KCNQ1OT1: variants seen among roughly 807,000 people sequenced by gnomAD.
KCNQ1OT1 encodes the protein KCNQ1 opposite strand/antisense transcript 1, also known as KCNQ1 antisense RNA 2 (non-protein coding).
At position 2,617,619 on chromosome 11, in the gene KCNQ1OT1, T is replaced by C. The variant is rs559488033; in HGVS notation, n.82376A>G. 2.3e-5 allele frequency: 9 copies of C among 398,444 alleles called. No homozygotes were observed. In the Admixed American group the frequency reaches 4.0e-4, roughly 18 times the overall value. 24.7% of individuals were successfully genotyped at this position (398,444 alleles called of 1,614,324 possible). On this transcript the variant is annotated non_coding_transcript_exon_variant, in exon 1 of 1. Transcript: ENST00000597346. The surrounding 1 kb of genome is among the most constrained non-coding windows in gnomAD (Gnocchi z 4.6). ...GGGTCAGATGATAGTATATTTTCAA[T>C]TTCTTTAGGAGCCACCATTCTGTTT... is the stretch of plus-strand genomic sequence containing the variant.
exon 1 of KCNQ1OT1, chr11:2,650,961 AATCT>A (rs143246270): frequency 0.071 from 28,121 of 398,414 alleles, 1,120 homozygotes; most frequent in Middle Eastern, 0.11. Context: ...ACCCCTTTCT[AATCT>A]ATCAGTATGT....
rs1850341666 is a variant in KCNQ1OT1, at chr11:2,678,981, T to C, written n.21014A>G. On this transcript the variant is annotated non_coding_transcript_exon_variant, in exon 1 of 1. Transcript: ENST00000597346. This position sits in a 1 kb window ranked among gnomAD's most constrained non-coding sequence, Gnocchi z 4.9. ...GAACAAAAGAGCAAATAGGCCTAAT[T>C]CAAGAATTTTTAAAAACCCGCAATA... The C allele has an allele frequency of 1.0e-5, 4 of 398,504 alleles. No individual in the cohort carries two copies. The highest frequency in any genetic ancestry group is 2.5e-4 in the South Asian group (2 of 7,852). The allele number at this position is 398,504 out of a possible 1,614,324, so 24.7% of individuals were successfully genotyped here. A position where few individuals can be genotyped will look rare whatever the true frequency, so the allele number is the denominator to read the frequency against.
chr11:2,656,773 A>T (rs1849857575), exon 1 of KCNQ1OT1: 1 of 398,540 alleles, frequency 2.5e-6, no homozygotes, highest in Non-Finnish European at 4.4e-6. Flanking sequence ...TTCTTTTAAA[A>T]AAAACCATCC....
chr11:2,690,254 T>G lies in KCNQ1OT1; in HGVS notation n.9741A>C, dbSNP rs1313052236. ...AGCAAGTCATTCCATGTGGCTGAGC[T>G]GCTCCTTGCTGCATCTGCACATATG... is the stretch of plus-strand genomic sequence containing the variant. On this transcript the variant is annotated non_coding_transcript_exon_variant, in exon 1 of 1. Coordinates refer to ENST00000597346, the Ensembl canonical transcript of KCNQ1OT1. This position sits in a 1 kb window ranked among gnomAD's most constrained non-coding sequence, Gnocchi z 5.1. The G allele has an allele frequency of 7.5e-6, 3 of 398,686 alleles. No individual in the cohort carries two copies. The highest frequency in any genetic ancestry group is 1.3e-5 in the Non-Finnish European group (3 of 226,192). The allele number at this position is 398,686 out of a possible 1,614,324, so 24.7% of individuals were successfully genotyped here. A position where few individuals can be genotyped will look rare whatever the true frequency, so the allele number is the denominator to read the frequency against.
At chr11:2,681,744 C>T (rs1399488230) in exon 1 of KCNQ1OT1, 2 of 398,348 alleles carry the variant, frequency 5.0e-6, no homozygotes, top group Non-Finnish European at 8.8e-6. Context: ...ACTGATCACA[C>T]ACCAGGGCAC....
Position 2,659,468 on chromosome 11 carries a change from A to G in KCNQ1OT1, n.40527T>C. 2.5e-6 allele frequency: 1 copy of G among 398,564 alleles called. No homozygotes were observed. Among genetic ancestry groups the G allele is most frequent in the Non-Finnish European group, 4.4e-6 (1 of 226,030 alleles). 24.7% of individuals were successfully genotyped at this position (398,564 alleles called of 1,614,324 possible). The stretch of plus-strand genomic sequence containing the variant: ...TCTTTTTATTGCTGGGTGGTATTCC[A>G]TTGCATGAATATATACATTTTGTTT... On this transcript the variant is annotated non_coding_transcript_exon_variant, in exon 1 of 1. Coordinates refer to ENST00000597346, the Ensembl canonical transcript of KCNQ1OT1. The surrounding 1 kb of genome is among the most constrained non-coding windows in gnomAD (Gnocchi z 4.3).
chr11:2,657,411 G>A lies in KCNQ1OT1; in HGVS notation n.42584C>T, dbSNP rs1004793427. 2.5e-6 allele frequency: 1 copy of A among 398,498 alleles called. No homozygotes were observed. 24.7% of individuals were successfully genotyped at this position (398,498 alleles called of 1,614,324 possible). ...CTAAAGTTTTACAATTTTCTCCAGA[G>A]TTCTTGCATATACTTAGTTAGATAA... On this transcript the variant is annotated non_coding_transcript_exon_variant, in exon 1 of 1. Coordinates refer to ENST00000597346, the Ensembl canonical transcript of KCNQ1OT1. This position sits in a 1 kb window ranked among gnomAD's most constrained non-coding sequence, Gnocchi z 4.8.
chr11:2,651,338 G>A lies in KCNQ1OT1; in HGVS notation n.48657C>T, dbSNP rs757602816. On this transcript the variant is annotated non_coding_transcript_exon_variant, in exon 1 of 1. Coordinates refer to ENST00000597346, the Ensembl canonical transcript of KCNQ1OT1. This position sits in a 1 kb window ranked among gnomAD's most constrained non-coding sequence, Gnocchi z 6.1. ...AACACTCCTCAGAGTTCTACAAGCG[G>A]CTGAGAGAGCTGGGGTATTTATCTT... 2 of 398,634 alleles carry A rather than the reference G, an allele frequency of 5.0e-6. No homozygotes were observed. The highest frequency in any genetic ancestry group is 8.8e-6 in the Non-Finnish European group (2 of 226,160). The allele number at this position is 398,634 out of a possible 1,614,324, so 24.7% of individuals were successfully genotyped here.
chr11:2,698,056 T>G lies in KCNQ1OT1; in HGVS notation n.1939A>C, dbSNP rs974196866. On this transcript the variant is annotated non_coding_transcript_exon_variant, in exon 1 of 1. Transcript: ENST00000597346. This position sits in a 1 kb window ranked among gnomAD's most constrained non-coding sequence, Gnocchi z 5.1. Reference sequence around the variant, plus strand: ...TGAGACACCATAGAAATCTGGTTAATCCTGCCTGCCTGCTTTCCTTCAAGT... The same window carrying G: ...TGAGACACCATAGAAATCTGGTTAAGCCTGCCTGCCTGCTTTCCTTCAAGT... 7.5e-6 allele frequency: 3 copies of G among 398,550 alleles called. No individual in the cohort carries two copies. Among genetic ancestry groups the G allele is most frequent in the Admixed American group, 8.8e-5 (2 of 22,720 alleles). 24.7% of individuals were successfully genotyped at this position (398,550 alleles called of 1,614,324 possible). A position where few individuals can be genotyped will look rare whatever the true frequency, so the allele number is the denominator to read the frequency against.
chr11:2,664,694 C>G lies in KCNQ1OT1; in HGVS notation n.35301G>C, dbSNP rs1850032556. 2.5e-6 allele frequency: 1 copy of G among 398,612 alleles called. No individual in the cohort carries two copies. The highest frequency in any genetic ancestry group is 4.4e-6 in the Non-Finnish European group (1 of 226,202). 24.7% of individuals were successfully genotyped at this position (398,612 alleles called of 1,614,324 possible). Reference sequence around the variant, plus strand: ...CTGTGGGCAGCCTGGCCCCATGGACCCTGAACTGGGAAGAGAGGCACACGC... The same window carrying G: ...CTGTGGGCAGCCTGGCCCCATGGACGCTGAACTGGGAAGAGAGGCACACGC... On this transcript the variant is annotated non_coding_transcript_exon_variant, in exon 1 of 1. Coordinates refer to ENST00000597346, the Ensembl canonical transcript of KCNQ1OT1. This position sits in a 1 kb window ranked among gnomAD's most constrained non-coding sequence, Gnocchi z 5.1.
Position 2,661,355 on chromosome 11 carries a change from C to T in KCNQ1OT1, n.38640G>A. ...ATCCTGAGCTCCTGTGTCAAAGTTG[C>T]AGAGGTGGGCCCAGGAATCATAATG... On this transcript the variant is annotated non_coding_transcript_exon_variant, in exon 1 of 1. Transcript: ENST00000597346. The surrounding 1 kb of genome is among the most constrained non-coding windows in gnomAD (Gnocchi z 5.9). 2 of 404,920 alleles carry T rather than the reference C, an allele frequency of 4.9e-6. No homozygotes were observed. Among genetic ancestry groups the T allele is most frequent in the Admixed American group, 4.1e-5 (1 of 24,328 alleles). The allele number at this position is 404,920 out of a possible 1,614,324, so 25.1% of individuals were successfully genotyped here. A position where few individuals can be genotyped will look rare whatever the true frequency, so the allele number is the denominator to read the frequency against.
exon 1 of KCNQ1OT1, chr11:2,619,025 T>A (rs1849118380): frequency 2.5e-6 from 1 of 398,484 alleles, no homozygotes; most frequent in Admixed American, 4.4e-5. Flanking sequence ...ATTGATTTTA[T>A]ATCCTACAAC....
rs1850672100 is a variant in KCNQ1OT1 at position 2,696,094 on chromosome 11, G to A, written n.3901C>T. 6 of 398,512 alleles carry A rather than the reference G, an allele frequency of 1.5e-5. No individual in the cohort carries two copies. The South Asian group carries it at 6.4e-4, about 42-fold the overall frequency. 24.7% of individuals were successfully genotyped at this position (398,512 alleles called of 1,614,324 possible). A position where few individuals can be genotyped will look rare whatever the true frequency, so the allele number is the denominator to read the frequency against. ...CTTGCCATGATGGATTTATTTAACA[G>A]AAATCCTTAATCCATAATCATTAAT... On this transcript the variant is annotated non_coding_transcript_exon_variant, in exon 1 of 1. Transcript: ENST00000597346.
chr11:2,608,844 G>A lies in KCNQ1OT1; in HGVS notation n.91151C>T. On this transcript the variant is annotated non_coding_transcript_exon_variant, in exon 1 of 1. Transcript: ENST00000597346. This position sits in a 1 kb window ranked among gnomAD's most constrained non-coding sequence, Gnocchi z 4.6. ...CATTCATTTCTGATTTTAGTAATTT[G>A]AGTTTTCTCTCTCCCCCTTTGCCTC... The A allele has an allele frequency of 2.5e-6, 1 of 398,324 alleles. No individual in the cohort carries two copies. Among genetic ancestry groups the A allele is most frequent in the Non-Finnish European group, 4.4e-6 (1 of 226,000 alleles). 24.7% of individuals were successfully genotyped at this position (398,324 alleles called of 1,614,324 possible).
exon 1 of KCNQ1OT1, chr11:2,667,659 C>T: frequency 2.5e-6 from 1 of 398,662 alleles, no homozygotes; most frequent in Non-Finnish European, 4.4e-6. Flanking sequence ...GGAGATTGAA[C>T]TGCAGAGCCT....
At position 2,659,065 on chromosome 11, in the gene KCNQ1OT1, A is replaced by T. The variant is rs1334276014; in HGVS notation, n.40930T>A. On this transcript the variant is annotated non_coding_transcript_exon_variant, in exon 1 of 1. Coordinates refer to ENST00000597346, the Ensembl canonical transcript of KCNQ1OT1. This position sits in a 1 kb window ranked among gnomAD's most constrained non-coding sequence, Gnocchi z 4.3. The stretch of plus-strand genomic sequence containing the variant: ...TATGTCATTTGTTTGTAACACGCTC[A>T]TCATAGTCTGCTTTTCATCGTAGGG... The T allele has an allele frequency of 2.5e-6, 1 of 398,476 alleles. No individual in the cohort carries two copies. The highest frequency in any genetic ancestry group is 4.4e-6 in the Non-Finnish European group (1 of 226,056). 24.7% of individuals were successfully genotyped at this position (398,476 alleles called of 1,614,324 possible).
Position 2,679,260 on chromosome 11 carries a change from T to G in KCNQ1OT1, n.20735A>C. The G allele has an allele frequency of 1.0e-5, 4 of 398,678 alleles. No homozygotes were observed. The highest frequency in any genetic ancestry group is 4.4e-5 in the Admixed American group (1 of 22,740). The allele number at this position is 398,678 out of a possible 1,614,324, so 24.7% of individuals were successfully genotyped here. A position where few individuals can be genotyped will look rare whatever the true frequency, so the allele number is the denominator to read the frequency against. ...CAGCTGCCTGTCCCACCCTTGGCTG[T>G]GCTCTCCTTTACTAATCCATAGCCA... On this transcript the variant is annotated non_coding_transcript_exon_variant, in exon 1 of 1. Coordinates refer to ENST00000597346, the Ensembl canonical transcript of KCNQ1OT1. This position sits in a 1 kb window ranked among gnomAD's most constrained non-coding sequence, Gnocchi z 4.8.
Position 2,617,122 on chromosome 11 carries a change from C to G in KCNQ1OT1, n.82873G>C, listed in dbSNP as rs1174261100. 2 of 397,994 alleles carry G rather than the reference C, an allele frequency of 5.0e-6. No individual in the cohort carries two copies. Among genetic ancestry groups the G allele is most frequent in the African/African-American group, 4.1e-5 (2 of 48,552 alleles). 24.7% of individuals were successfully genotyped at this position (397,994 alleles called of 1,614,324 possible). ...ATGATCTACTCAATTGGCAAAAATTCCAAATGCAATATACTAACTATTCTC... is the reference window on the plus strand; with the variant it reads ...ATGATCTACTCAATTGGCAAAAATTGCAAATGCAATATACTAACTATTCTC... On this transcript the variant is annotated non_coding_transcript_exon_variant, in exon 1 of 1. Transcript: ENST00000597346. This position sits in a 1 kb window ranked among gnomAD's most constrained non-coding sequence, Gnocchi z 4.6.
exon 1 of KCNQ1OT1, chr11:2,696,131 CA>C: frequency 5.0e-6 from 2 of 398,594 alleles, no homozygotes; most frequent in Admixed American, 8.8e-5. Flanking sequence ...CATTCAAGTT[CA>C]TACATTTTAG....
Sources: gnomAD v4.1 joint callset for allele counts on GRCh38, gnomAD v4.1.1 for gene constraint, Gnocchi (gnomAD v3.1) non-coding constraint, MANE v1.5 for transcripts, NCBI Gene and HGNC (gene_info 2026-07-23, HGNC 2026-07-21) for gene names.